The following ANK2 variants were observed in gnomAD, a reference collection of about 807,000 sequenced individuals.
ANK2 encodes ankyrin-2.
A neutral mutation model predicts 360.5 loss-of-function variants in ANK2; 83 were observed. The ratio of observed to expected loss-of-function variants is 0.23; its 90% CI spans 0.19 to 0.28. The LOEUF (loss-of-function observed/expected upper bound fraction) is 0.28. Ranked by LOEUF, ANK2 falls within the 10% of genes least tolerant of loss-of-function variation. ANK2 has a pLI of 1.00. For missense variants in ANK2, 4,201 were observed against 4,795.7 expected (o/e 0.88, Z 3.66); for synonymous variants, 1,740 against 1,759.5 (o/e 0.99, Z 0.28).
the ANK2 span, among the ~76,000 whole-genome samples, chr4:112,722,608 C>T: frequency 2.6e-5 from 4 of 152,280 alleles, no homozygotes; most frequent in Middle Eastern, 0.014. Flanking sequence ...GGATGGCTGC[C>T]ACAGTTCCAA....
intron 2 of ANK2, among the ~76,000 whole-genome samples, chr4:112,968,779 C>T (rs1459975622): frequency 6.6e-6 from 1 of 152,180 alleles, no homozygotes; most frequent in African/African-American, 2.4e-5. Context: ...AATCATTGAA[C>T]AGTCTGTTCT....
intron 1 of ANK2, among the ~76,000 whole-genome samples, chr4:112,871,271 C>A (rs771991538): frequency 3.3e-5 from 5 of 151,886 alleles, no homozygotes; most frequent in African/African-American, 7.3e-5. Flanking sequence ...CTGCAATCTC[C>A]GTCTCCTGGG....
chr4:113,287,436 C>T (rs1313028655), intron 18 of ANK2, among the ~76,000 whole-genome samples, 169 bp from the exon 19 acceptor site: 9 of 152,104 alleles, frequency 5.9e-5, no homozygotes, highest in Admixed American at 5.9e-4. Flanking sequence ...AGAGGAAACA[C>T]CATTAATTTA....
At chr4:113,369,901 A>G in intron 43 of ANK2, 96 bp downstream of exon 43, 1 of 1,518,384 alleles carries the variant, frequency 6.6e-7, no homozygotes, top group Non-Finnish European at 9.1e-7. Flanking sequence ...GCACTTCAAA[A>G]CAAAAAAGTT....
chr4:113,215,868 A>G (rs1205262764), intron 4 of ANK2, among the ~76,000 whole-genome samples: 1 of 152,136 alleles, frequency 6.6e-6, no homozygotes, highest in Non-Finnish European at 1.5e-5. Context: ...TCTATCTTCT[A>G]TTATTTTATC....
intron 7 of ANK2, among the ~76,000 whole-genome samples, chr4:113,240,022 A>G (rs568378962): frequency 1.7e-4 from 26 of 152,328 alleles, no homozygotes; most frequent in Non-Finnish European, 2.4e-4. Flanking sequence ...TCATGCTTCC[A>G]AAAGTATAAT....
Position 113,369,792 on chromosome 4 carries a change from C to T in ANK2, c.11597C>T (p.Ala3866Val), listed in dbSNP as rs759705609. Residue 3866 changes from alanine to valine, a missense_variant, in exon 43 of 46, where the codon GCA becomes GTA. Physicochemically the swap from Ala to Val is moderately conservative, Grantham distance 64. Around this residue, in one of 4 missense-constraint regions of ANK2, gnomAD observed 2,642 missense variants for 2,714.5 expected, o/e 0.97. Coordinates refer to ENST00000357077, the MANE Select transcript of ANK2 (RefSeq NM_001148.6). ...PETCERLDED[A>V]AFEKGDDMPE... ...ACCTGTGAAAGACTCGATGAAGATGCAGCTTTTGAAAAGGTAAGACATTCC... is the reference window on the plus strand; with the variant it reads ...ACCTGTGAAAGACTCGATGAAGATGTAGCTTTTGAAAAGGTAAGACATTCC... 6.2e-7 allele frequency: 1 copy of T among 1,614,112 alleles called. No individual in the cohort carries two copies. The highest frequency in any genetic ancestry group is 8.5e-7 in the Non-Finnish European group (1 of 1,180,004).
chr4:113,142,099 T>G (rs367967641), intron 1 of ANK2, among the ~76,000 whole-genome samples: 1 of 152,220 alleles, frequency 6.6e-6, no homozygotes, highest in East Asian at 1.9e-4. Context: ...AAAACAGTGG[T>G]GACATTGTTC....
At chr4:113,212,823 T>C (rs544516359) in intron 4 of ANK2, among the ~76,000 whole-genome samples, 141 of 152,338 alleles carry the variant, frequency 9.3e-4, no homozygotes, top group African/African-American at 3.3e-3. Context: ...AATTCAGCAC[T>C]AGTGCAGCCA....
At chr4:113,326,833 C>CTCTGAAAACA (rs1460527529) in intron 26 of ANK2, among the ~76,000 whole-genome samples, 6 of 152,108 alleles carry the variant, frequency 3.9e-5, no homozygotes, top group Non-Finnish European at 8.8e-5. Flanking sequence ...GAGACCCCAT[C>CTCTGAAAACA]TCTGAAAACA....
chr4:113,309,630 CA>C (rs1399483498), intron 23 of ANK2, among the ~76,000 whole-genome samples: 1 of 152,050 alleles, frequency 6.6e-6, no homozygotes, highest in Non-Finnish European at 1.5e-5. Flanking sequence ...GCGATTCTCC[CA>C]CTTCAGCCTC....
the ANK2 span, among the ~76,000 whole-genome samples, chr4:112,711,273 G>A: frequency 3.3e-5 from 5 of 151,870 alleles, no homozygotes; most frequent in Admixed American, 3.3e-4. Flanking sequence ...TTATTCACAG[G>A]TGCAGTCGTT....
intron 2 of ANK2, among the ~76,000 whole-genome samples, chr4:113,026,297 T>G (rs1044399139): frequency 6.6e-6 from 1 of 152,158 alleles, no homozygotes; most frequent in African/African-American, 2.4e-5. Flanking sequence ...GACTTCTAAA[T>G]GTGAATTCTA....
At chr4:113,252,732 C>G (rs936780785) in intron 10 of ANK2, among the ~76,000 whole-genome samples, 2 of 152,190 alleles carry the variant, frequency 1.3e-5, no homozygotes, top group Non-Finnish European at 2.9e-5. Context: ...CTCTGCCCAG[C>G]ACAAATTTCA....
intron 1 of ANK2, among the ~76,000 whole-genome samples, chr4:113,113,929 C>T (rs113074093): frequency 0.022 from 3,293 of 152,182 alleles, 112 homozygotes; most frequent in African/African-American, 0.075. Context: ...ACTGAATAAG[C>T]TAGTTATAAA....
At chr4:112,804,104 C>T in the ANK2 span, among the ~76,000 whole-genome samples, 869 of 151,936 alleles carry the variant, frequency 5.7e-3, 6 homozygotes, top group African/African-American at 0.02. Flanking sequence ...CTGCAACCTC[C>T]GCCTCCTGGG....
chr4:112,886,619 G>A (rs905815078), intron 1 of ANK2, among the ~76,000 whole-genome samples: 13 of 152,014 alleles, frequency 8.6e-5, no homozygotes, highest in South Asian at 2.1e-4. Context: ...CCAAGATAGC[G>A]CCACTGCACT....
intron 11 of ANK2, among the ~76,000 whole-genome samples, chr4:113,257,657 C>T (rs960652607): frequency 6.6e-6 from 1 of 151,932 alleles, no homozygotes; most frequent in African/African-American, 2.4e-5. Context: ...GAGAAATGGC[C>T]CTTCAGAAGA....
intron 35 of ANK2, among the ~76,000 whole-genome samples, chr4:113,346,646 A>G (rs2094891702): frequency 6.6e-6 from 1 of 152,180 alleles, no homozygotes; most frequent in Non-Finnish European, 1.5e-5. Flanking sequence ...CCAGGACTTC[A>G]AGGGCAGCTT....
Sources: gnomAD v4.1 joint callset for allele counts (sites outside exome capture counted in the v4.1 genomes callset) on GRCh38, gnomAD v4.1.1 for gene constraint, gnomAD v4.1.1 regional missense constraint, MANE v1.5 for transcripts, NCBI Gene and HGNC (gene_info 2026-07-23, HGNC 2026-07-21) for gene names.